METTL8: variants seen among roughly 807,000 people sequenced by gnomAD.
The protein encoded by METTL8 is methyltransferase 8, tRNA N3-cytidine.
Under a neutral mutation model 48.7 loss-of-function variants are expected in METTL8, and 32 were observed. The ratio of observed to expected loss-of-function variants is 0.66; its 90% CI spans 0.50 to 0.88. The LOEUF is 0.88. METTL8 is among the 40% of genes least tolerant of loss of function. The probability of loss-of-function intolerance (pLI) is 0.00; values close to 1 mark genes in which losing one functional copy is unlikely to be tolerated. For missense variants in METTL8, 464 were observed against 474.4 expected (o/e 0.98, Z 0.20); for synonymous variants, 136 against 157.1 (o/e 0.87, Z 1.01).
chr2:171,333,701 T>G (rs1353881710), intron 5 of METTL8, among the ~76,000 whole-genome samples: 1 of 152,190 alleles, frequency 6.6e-6, no homozygotes, highest in African/African-American at 2.4e-5. Flanking sequence ...TGAAATGTAT[T>G]TGAAATGTTC....
At chr2:171,422,218 C>A (rs1388411801) in intron 1 of METTL8, among the ~76,000 whole-genome samples, 1 of 152,080 alleles carries the variant, frequency 6.6e-6, no homozygotes, top group East Asian at 1.9e-4. Context: ...AGAACTAGCA[C>A]CACAGATCTG....
chr2:171,379,579 C>A (rs1687310569), intron 2 of METTL8, among the ~76,000 whole-genome samples: 1 of 152,148 alleles, frequency 6.6e-6, no homozygotes, highest in African/African-American at 2.4e-5. Flanking sequence ...GATATCACCA[C>A]TGACCCACGG....
In METTL8 at chr2:171,404,661, T is replaced by G. The variant is rs558287863; in HGVS notation, c.-12-12464A>C. On this transcript the variant is annotated intron_variant, in intron 1 of 9. Transcript: ENST00000375258. ...ACCATGGATAATGGGAGACATTATT[T>G]ATAAAGATTATAAAGACTTACAAAA... Among the ~76,000 whole-genome samples, 9 of 152,290 alleles carry G rather than the reference T, an allele frequency of 5.9e-5. No individual in the cohort carries two copies. In the East Asian group the frequency reaches 1.7e-3, roughly 29 times the overall value.
chr2:171,369,919 A>G (rs1686133826), intron 2 of METTL8, among the ~76,000 whole-genome samples: 1 of 152,130 alleles, frequency 6.6e-6, no homozygotes, highest in South Asian at 2.1e-4. Context: ...TACAAAAATT[A>G]GCTGGGCATG....
In METTL8 at chr2:171,360,432, CAGA is replaced by C; in HGVS notation, c.222_224del (p.Leu75del). ...CACGCAGTTGACTACCTTGCTCTTC[CAGA>C]AGGACTCGCACAGCTGAGTTTTCTT... On this transcript the variant is annotated inframe_deletion, in exon 3 of 10. Coordinates refer to ENST00000375258, the MANE Select transcript of METTL8 (RefSeq NM_001321154.2). The C allele has an allele frequency of 6.2e-7, 1 of 1,613,712 alleles. No homozygotes were observed. The highest frequency in any genetic ancestry group is 8.5e-7 in the Non-Finnish European group (1 of 1,179,826).
At chr2:171,345,884 A>G (rs1227569168) in intron 3 of METTL8, among the ~76,000 whole-genome samples, 1 of 152,194 alleles carries the variant, frequency 6.6e-6, no homozygotes, top group Non-Finnish European at 1.5e-5. Flanking sequence ...TGTATCTTTC[A>G]TTTCTCTGAA....
At position 171,356,952 on chromosome 2, in the gene METTL8, A is replaced by ATGTTTTTTTTTTGTTTTTT; in HGVS notation, c.235+3469_235+3470insAAAAAACAAAAAAAAAACA. Among the ~76,000 whole-genome samples, 10 of 78,486 alleles carry ATGTTTTTTTTTTGTTTTTT rather than the reference A, an allele frequency of 1.3e-4. 2 individuals carry two copies. Among genetic ancestry groups the ATGTTTTTTTTTTGTTTTTT allele is most frequent in the African/African-American group, 2.2e-4 (5 of 22,474 alleles). The allele number at this position is 78,486 out of a possible 152,430, so 51.5% of individuals were successfully genotyped here. ...CAAATTAGCCTTGTTCAAAGACAAT[A>ATGTTTTTTTTTTGTTTTTT]TTTTTTTTTTTTTTTTTGAGACAGG... On this transcript the variant is annotated intron_variant, in intron 3 of 9. Coordinates refer to ENST00000375258, the MANE Select transcript of METTL8 (RefSeq NM_001321154.2).
rs1158744404 is a variant in METTL8, at chr2:171,374,811, T to C, written c.144-14298A>G. The C allele has an allele frequency of 7.6e-6, 5 of 658,742 alleles. No homozygotes were observed. In the East Asian group the frequency reaches 1.3e-4, roughly 18 times the overall value. 40.8% of individuals were successfully genotyped at this position (658,742 alleles called of 1,614,324 possible). ...GCATAATTATTCTGAAATTCATCCA[T>C]GTTGTATATGTTTAACATACACAGT... On this transcript the variant is annotated intron_variant, in intron 2 of 9. Coordinates refer to ENST00000375258, the MANE Select transcript of METTL8 (RefSeq NM_001321154.2).
At chr2:171,360,910 T>C (rs1685097421) in intron 2 of METTL8, among the ~76,000 whole-genome samples, 1 of 152,248 alleles carries the variant, frequency 6.6e-6, no homozygotes, top group South Asian at 2.1e-4. Context: ...CTTACAACAC[T>C]TGTATTCTAA....
At chr2:171,398,767 A>T (rs1689364143) in intron 1 of METTL8, among the ~76,000 whole-genome samples, 1 of 152,170 alleles carries the variant, frequency 6.6e-6, no homozygotes, top group Admixed American at 6.6e-5. Context: ...GCCTATGGCA[A>T]CCACTTCACT....
At chr2:171,422,175 A>C (rs1019487082) in intron 1 of METTL8, among the ~76,000 whole-genome samples, 4 of 152,212 alleles carry the variant, frequency 2.6e-5, no homozygotes, top group Non-Finnish European at 4.4e-5. Context: ...GCACAGAAAT[A>C]GACTTGACCA....
chr2:171,431,022 G>C (rs932454729), intron 1 of METTL8, among the ~76,000 whole-genome samples: 18 of 152,180 alleles, frequency 1.2e-4, no homozygotes, highest in African/African-American at 4.1e-4. Context: ...TGCCAGAAGA[G>C]AGGCCAAACT....
At position 171,330,644 on chromosome 2, in the gene METTL8, C is replaced by T. The variant is rs1381658180; in HGVS notation, c.775G>A (p.Asp259Asn). 6.2e-7 allele frequency: 1 copy of T among 1,613,400 alleles called. No homozygotes were observed. Among genetic ancestry groups the T allele is most frequent in the Non-Finnish European group, 8.5e-7 (1 of 1,179,618 alleles). The change falls in exon 7 of 10, where the codon GAT becomes AAT. Residue 259 changes from aspartate (D) to asparagine (N), a missense_variant. Physicochemically the swap from Asp to Asn is conservative, Grantham distance 23. Transcript: ENST00000375258. The stretch of plus-strand genomic sequence containing the variant: ...GGAAAAGGGTAAGGTAAGCCATCAT[C>T]ACATACATCATGAACAAAGGCAAAA... ...QCFAFVHDVC[D>N]DGLPYPFPDG...
rs368987903 is a variant in METTL8, at chr2:171,413,121, A to G, written c.-13+20762T>C. Among the ~76,000 whole-genome samples, 41 of 152,368 alleles carry G rather than the reference A, an allele frequency of 2.7e-4. No individual in the cohort carries two copies. In the South Asian group the frequency reaches 8.3e-3, roughly 31 times the overall value. On this transcript the variant is annotated intron_variant, in intron 1 of 9. Coordinates refer to ENST00000375258, the MANE Select transcript of METTL8 (RefSeq NM_001321154.2). ...TAAAGATCCAGTCAAAGTATAATACAAGACAGACCAATGGATTTTAATGTA... is the reference window on the plus strand; with the variant it reads ...TAAAGATCCAGTCAAAGTATAATACGAGACAGACCAATGGATTTTAATGTA...
chr2:171,325,088 C>T (rs1684804323), intron 9 of METTL8, among the ~76,000 whole-genome samples: 2 of 144,584 alleles, frequency 1.4e-5, no homozygotes, highest in Non-Finnish European at 3.0e-5. Flanking sequence ...TGCCACTGCA[C>T]TCCAGCCTAG....
intron 1 of METTL8, among the ~76,000 whole-genome samples, chr2:171,426,496 G>A (rs1692433233): frequency 6.6e-6 from 1 of 152,126 alleles, no homozygotes; most frequent in African/African-American, 2.4e-5. Flanking sequence ...GTATATGGGT[G>A]TTCATTTTAT....
intron 2 of METTL8, among the ~76,000 whole-genome samples, chr2:171,382,736 A>T (rs1687682325): frequency 6.6e-6 from 1 of 152,170 alleles, no homozygotes; most frequent in Admixed American, 6.5e-5. Flanking sequence ...AAAAAAAGAA[A>T]GAAAAAAAGA....
At chr2:171,399,209 A>C (rs907465333) in intron 1 of METTL8, among the ~76,000 whole-genome samples, 4 of 152,174 alleles carry the variant, frequency 2.6e-5, no homozygotes, top group African/African-American at 9.6e-5. Context: ...AGTCATGAAT[A>C]GGCAATGGTT....
intron 3 of METTL8, among the ~76,000 whole-genome samples, chr2:171,343,565 C>T (rs767442356): frequency 2.6e-5 from 4 of 152,022 alleles, no homozygotes; most frequent in Admixed American, 1.3e-4. Context: ...TCATTCATAA[C>T]AATAAGTTGA....
Sources: gnomAD v4.1 joint callset for allele counts (sites outside exome capture counted in the v4.1 genomes callset) on GRCh38, gnomAD v4.1.1 for gene constraint, MANE v1.5 for transcripts, NCBI Gene and HGNC (gene_info 2026-07-23, HGNC 2026-07-21) for gene names.